CNTN5: variants seen among roughly 807,000 people sequenced by gnomAD.
CNTN5 encodes the protein contactin-5.
A neutral mutation model predicts 129.1 loss-of-function variants in CNTN5; 77 were observed. That is an observed-to-expected ratio of 0.60 (90% CI 0.50 to 0.72). CNTN5 has a LOEUF of 0.72. Ranked by LOEUF, CNTN5 falls within the 30% of genes least tolerant of loss-of-function variation. The probability of loss-of-function intolerance (pLI) is 0.00; values close to 1 mark genes in which losing one functional copy is unlikely to be tolerated. For synonymous variants in CNTN5, 509 were observed against 465.6 expected (o/e 1.09, Z -1.20); for missense variants, 1,478 against 1,328.8 (o/e 1.11, Z -1.75).
intron 2 of CNTN5, among the ~76,000 whole-genome samples, chr11:99,328,506 A>G (rs563603424): frequency 6.6e-6 from 1 of 152,234 alleles, no homozygotes; most frequent in East Asian, 1.9e-4. Context: ...AACTACACAT[A>G]TAGTTTTTTG....
chr11:100,300,635 A>T (rs1951197791), intron 20 of CNTN5, among the ~76,000 whole-genome samples: 2 of 151,552 alleles, frequency 1.3e-5, no homozygotes, highest in African/African-American at 4.8e-5. Flanking sequence ...TGTTTGATTT[A>T]AGGAAGATGT....
In CNTN5 at chr11:99,767,294, C is replaced by CAG. The variant is rs150648848; in HGVS notation, c.56-52234_56-52233dup. 6.1e-4 allele frequency among the ~76,000 whole-genome samples: 92 copies of CAG among 149,958 alleles called. 1 individual carries two copies. The highest frequency in any genetic ancestry group is 3.1e-3 in the South Asian group (15 of 4,778). ...TAATGCCAAGTGGTAATTATTAAAT[C>CAG]AGAGAGAGAGAGAGAGACAGACTAT... On this transcript the variant is annotated intron_variant, in intron 3 of 24. Coordinates refer to ENST00000524871, the MANE Select transcript of CNTN5 (RefSeq NM_014361.4).
chr11:99,542,550 T>C (rs1948153261), intron 2 of CNTN5, among the ~76,000 whole-genome samples: 1 of 152,210 alleles, frequency 6.6e-6, no homozygotes, highest in Non-Finnish European at 1.5e-5. Context: ...GCATTTACTT[T>C]TGCGCCAACT....
chr11:99,863,353 G>A (rs1017067501), intron 6 of CNTN5, among the ~76,000 whole-genome samples: 1 of 152,120 alleles, frequency 6.6e-6, no homozygotes, highest in Non-Finnish European at 1.5e-5. Context: ...TTTTCAGGTA[G>A]GAGGATTTGC....
chr11:99,241,317 G>GTTTTTTTTTTTTTTTTTTTTT (rs1565430527), intron 1 of CNTN5, among the ~76,000 whole-genome samples: 3 of 60,132 alleles, frequency 5.0e-5, no homozygotes, highest in African/African-American at 1.7e-4. Context: ...TTTGATTGTT[G>GTTTTTTTTTTTTTTTTTTTTT]GTTTTTTTTT....
chr11:100,262,453 G>T (rs1169636643), intron 17 of CNTN5, among the ~76,000 whole-genome samples: 2 of 152,120 alleles, frequency 1.3e-5, no homozygotes, highest in East Asian at 3.9e-4. Flanking sequence ...TATATCCAGA[G>T]GATTATAAAT....
At chr11:100,007,695 A>C (rs913353290) in intron 9 of CNTN5, among the ~76,000 whole-genome samples, 1 of 152,078 alleles carries the variant, frequency 6.6e-6, no homozygotes, top group African/African-American at 2.4e-5. Context: ...TACCCAGACC[A>C]TTAAAACTTT....
intron 18 of CNTN5, among the ~76,000 whole-genome samples, chr11:100,278,341 T>C (rs928876570): frequency 6.6e-6 from 1 of 152,150 alleles, no homozygotes; most frequent in African/African-American, 2.4e-5. Flanking sequence ...TTTCTATTTC[T>C]GTGAAGAATA....
intron 3 of CNTN5, among the ~76,000 whole-genome samples, chr11:99,814,421 G>A (rs991412344): frequency 6.6e-6 from 1 of 152,118 alleles, no homozygotes; most frequent in Non-Finnish European, 1.5e-5. Flanking sequence ...GAGAGTAAAT[G>A]GACCAGGAAA....
intron 1 of CNTN5, among the ~76,000 whole-genome samples, chr11:99,045,905 C>A (rs1001427626): frequency 2.6e-5 from 4 of 152,162 alleles, no homozygotes; most frequent in Non-Finnish European, 4.4e-5. Context: ...AAGGTAGAGT[C>A]TTGAGTAGCA....
At chr11:100,109,402 G>C (rs917499166) in intron 13 of CNTN5, among the ~76,000 whole-genome samples, 8 of 152,104 alleles carry the variant, frequency 5.3e-5, no homozygotes, top group African/African-American at 1.9e-4. Context: ...CTCTAGCCTG[G>C]GCTACAGAGC....
At chr11:100,354,876 A>C (rs1952488767) in intron 24 of CNTN5, among the ~76,000 whole-genome samples, 1 of 151,690 alleles carries the variant, frequency 6.6e-6, no homozygotes, top group Admixed American at 6.6e-5. Flanking sequence ...AAAGATAAAA[A>C]AATGGTATAC....
chr11:99,657,215 G>A (rs1188451936), intron 3 of CNTN5, among the ~76,000 whole-genome samples: 5 of 152,086 alleles, frequency 3.3e-5, no homozygotes, highest in African/African-American at 4.8e-5. Context: ...GCACCTTACT[G>A]GAGCTCGGCA....
In CNTN5 at chr11:99,893,205, A is replaced by T. The variant is rs557603668; in HGVS notation, c.578-22849A>T. Among the ~76,000 whole-genome samples the T allele has an allele frequency of 1.8e-4, 27 of 152,292 alleles. No individual in the cohort carries two copies. In the South Asian group the frequency reaches 4.4e-3, roughly 25 times the overall value. On this transcript the variant is annotated intron_variant, in intron 6 of 24. Coordinates refer to ENST00000524871, the MANE Select transcript of CNTN5 (RefSeq NM_014361.4). Reference sequence around the variant, plus strand: ...GTCCACTTTTAAATTTTACAGTGGCATCTCCAATATGAACAAAGAATATCA... The same window carrying T: ...GTCCACTTTTAAATTTTACAGTGGCTTCTCCAATATGAACAAAGAATATCA...
intron 9 of CNTN5, among the ~76,000 whole-genome samples, chr11:100,042,541 T>C (rs1228685545): frequency 6.6e-6 from 1 of 152,204 alleles, no homozygotes. Context: ...GTACTTTCTT[T>C]TGAAATCATT....
intron 2 of CNTN5, among the ~76,000 whole-genome samples, chr11:99,393,753 G>A (rs193027794): frequency 2.6e-5 from 4 of 151,736 alleles, no homozygotes; most frequent in African/African-American, 9.6e-5. Flanking sequence ...AAACATATGA[G>A]TTCTATAGTA....
At chr11:99,886,994 T>C (rs1948917882) in intron 6 of CNTN5, among the ~76,000 whole-genome samples, 1 of 152,130 alleles carries the variant, frequency 6.6e-6, no homozygotes, top group African/African-American at 2.4e-5. Flanking sequence ...AAAAGACCGA[T>C]TATACTAGTC....
At chr11:99,511,018 A>C (rs1268635556) in intron 2 of CNTN5, among the ~76,000 whole-genome samples, 1 of 152,186 alleles carries the variant, frequency 6.6e-6, no homozygotes, top group African/African-American at 2.4e-5. Context: ...GACCCTTTGC[A>C]GGCCTCGGCT....
At chr11:99,648,437 G>A (rs1403721255) in intron 3 of CNTN5, among the ~76,000 whole-genome samples, 7 of 151,992 alleles carry the variant, frequency 4.6e-5, no homozygotes, top group African/African-American at 1.4e-4. Flanking sequence ...GGAAAGATGT[G>A]GAGAAAAGGG....
Sources: allele counts gnomAD v4.1 joint callset (sites outside exome capture counted in the v4.1 genomes callset), GRCh38; gene constraint gnomAD v4.1.1; transcripts MANE v1.5; gene names NCBI Gene and HGNC (gene_info 2026-07-23, HGNC 2026-07-21).